The following TSC22D1 variants were observed in gnomAD, a reference collection of about 807,000 sequenced individuals.
The protein encoded by TSC22D1 is TSC22 domain family member 1.
Under a neutral mutation model 74.2 loss-of-function variants are expected in TSC22D1, and 9 were observed. The observed-to-expected ratio is 0.12, with a 90% CI of 0.07 to 0.21. TSC22D1 has a LOEUF of 0.21. Among genes scored for constraint, TSC22D1 ranks in the 10% least tolerant of loss-of-function variants. The pLI, the probability that TSC22D1 is intolerant of heterozygous loss-of-function variation, is 1.00. For missense variants in TSC22D1, 1,427 were observed against 1,304.7 expected (o/e 1.09, Z -1.44); for synonymous variants, 586 against 492.5 (o/e 1.19, Z -2.51).
In TSC22D1 at chr13:44,436,057, A is replaced by G; in HGVS notation, c.2951T>C (p.Ile984Thr). 1 of 1,613,766 alleles carries G rather than the reference A, an allele frequency of 6.2e-7. No homozygotes were observed. The highest frequency in any genetic ancestry group is 8.5e-7 in the Non-Finnish European group (1 of 1,179,854). ...GASVVAIDNK[I>T]EQAMDLVKSH... ...ATCAGTACATACCATAGCTTGCTCG[A>G]TTTTGTTGTCAATAGCTACCACACT... Residue 984 changes from isoleucine (I) to threonine (T), a missense_variant, in exon 2 of 3, where the codon ATC (isoleucine) becomes ACC (threonine). This residue lies in a region of TSC22D1 where 21 missense variants were observed against 62.7 expected (regional missense o/e 0.34). Coordinates refer to ENST00000458659, the MANE Select transcript of TSC22D1 (RefSeq NM_183422.4).
At chr13:44,475,725 A>C (rs1037593413) in intron 1 of TSC22D1, among the ~76,000 whole-genome samples, 18 of 152,170 alleles carry the variant, frequency 1.2e-4, no homozygotes, top group Non-Finnish European at 2.4e-4. Flanking sequence ...TAACTTACTG[A>C]AACAAAGAGA....
intron 1 of TSC22D1, among the ~76,000 whole-genome samples, chr13:44,533,946 A>G (rs1321776005): frequency 6.6e-6 from 1 of 152,200 alleles, no homozygotes; most frequent in East Asian, 1.9e-4. Flanking sequence ...ATAAATAGCA[A>G]ATTATTTTAA....
intron 1 of TSC22D1, among the ~76,000 whole-genome samples, chr13:44,570,961 A>G: frequency 6.6e-6 from 1 of 152,348 alleles, no homozygotes; most frequent in African/African-American, 2.4e-5. Context: ...AAACACAATA[A>G]AGAATATAAT....
chr13:44,474,153 CAGGACTT>C (rs1280733772), intron 1 of TSC22D1: 1 of 807,272 alleles, frequency 1.2e-6, no homozygotes, highest in Non-Finnish European at 1.5e-6. Context: ...AGGTACTAGG[CAGGACTT>C]AGGACAACTG....
intron 1 of TSC22D1, among the ~76,000 whole-genome samples, chr13:44,481,286 G>A (rs1419687196): frequency 1.3e-5 from 2 of 152,178 alleles, no homozygotes; most frequent in East Asian, 1.9e-4. Flanking sequence ...GCTTGGGGTG[G>A]GAGGTGGTAA....
intron 1 of TSC22D1, among the ~76,000 whole-genome samples, chr13:44,533,773 ACT>A (rs1248237092): frequency 5.9e-5 from 9 of 152,104 alleles, no homozygotes; most frequent in Non-Finnish European, 1.2e-4. Context: ...ATAGAGCGAG[ACT>A]CTTGTCTCCA....
chr13:44,462,498 A>G (rs1327334977), intron 1 of TSC22D1, among the ~76,000 whole-genome samples: 2 of 152,218 alleles, frequency 1.3e-5, no homozygotes. Context: ...CAAATGTTCA[A>G]GCTATATATT....
At chr13:44,453,204 TTC>T (rs1301524798) in intron 1 of TSC22D1, among the ~76,000 whole-genome samples, 3 of 152,226 alleles carry the variant, frequency 2.0e-5, no homozygotes, top group African/African-American at 7.2e-5. Flanking sequence ...CCCCAAACTG[TTC>T]TGTTAAGCTA....
chr13:44,467,765 C>A (rs1398521694), intron 1 of TSC22D1, among the ~76,000 whole-genome samples: 1 of 152,106 alleles, frequency 6.6e-6, no homozygotes, highest in Non-Finnish European at 1.5e-5. Flanking sequence ...GGCACAGATA[C>A]AGTGAAAAGG....
intron 1 of TSC22D1, among the ~76,000 whole-genome samples, chr13:44,491,007 G>T (rs1723672221): frequency 6.7e-6 from 1 of 150,136 alleles, no homozygotes; most frequent in Non-Finnish European, 1.5e-5. Flanking sequence ...CTGTTCAAAG[G>T]ATATCACAAT....
Position 44,575,640 on chromosome 13 carries a change from G to A in TSC22D1, c.435C>T (p.His145=), listed in dbSNP as rs1216898507. ...TESYDDLDES[H]TEDLSSSEIL... Reference sequence around the variant, plus strand: ...TCTCCGAAGAAGAGAGATCTTCCGTGTGAGATTCATCCAGATCATCATAGC... The same window carrying A: ...TCTCCGAAGAAGAGAGATCTTCCGTATGAGATTCATCCAGATCATCATAGC... The change falls in exon 1 of 3, where the codon CAC becomes CAT. Residue 145 remains histidine (H), a synonymous_variant. Transcript: ENST00000458659. 15 of 1,614,090 alleles carry A rather than the reference G, an allele frequency of 9.3e-6. No homozygotes were observed. Among genetic ancestry groups the A allele is most frequent in the Admixed American group, 1.7e-5 (1 of 60,006 alleles).
intron 1 of TSC22D1, among the ~76,000 whole-genome samples, chr13:44,440,587 C>CAAAAAAAAAAAAAAAAAAA (rs67344848): frequency 1.5e-5 from 1 of 68,266 alleles, no homozygotes; most frequent in Non-Finnish European, 2.7e-5. Flanking sequence ...GGCTCTGTCT[C>CAAAAAAAAAAAAAAAAAAA]AAAAAAAAAA....
chr13:44,548,594 G>A (rs1039616420), intron 1 of TSC22D1, among the ~76,000 whole-genome samples: 17 of 152,172 alleles, frequency 1.1e-4, no homozygotes, highest in African/African-American at 4.1e-4. Context: ...TTACAAGACA[G>A]TAAAACTATG....
chr13:44,517,784 T>TATATATATACATACAC (rs1392799887), intron 1 of TSC22D1, among the ~76,000 whole-genome samples: 6 of 132,484 alleles, frequency 4.5e-5, no homozygotes, highest in Non-Finnish European at 9.6e-5. Context: ...TATACACATA[T>TATATATATACATACAC]ATATACATAT....
chr13:44,519,303 T>G (rs1371993323), intron 1 of TSC22D1, among the ~76,000 whole-genome samples: 1 of 152,204 alleles, frequency 6.6e-6, no homozygotes, highest in African/African-American at 2.4e-5. Context: ...ATCTTAAAAT[T>G]CAATGTATGA....
intron 1 of TSC22D1, among the ~76,000 whole-genome samples, chr13:44,532,501 T>C (rs1242331263): frequency 6.6e-6 from 1 of 151,686 alleles, no homozygotes; most frequent in Admixed American, 6.6e-5. Context: ...TGAGACGGAG[T>C]CTTGCTCTGT....
intron 1 of TSC22D1, among the ~76,000 whole-genome samples, chr13:44,440,305 G>A (rs1343425832): frequency 1.3e-5 from 2 of 152,178 alleles, no homozygotes; most frequent in African/African-American, 2.4e-5. Flanking sequence ...GGGCGCGAGC[G>A]CGATGGCTCA....
At chr13:44,517,823 GTGTGTGTATATATATATATA>G (rs1222493245) in intron 1 of TSC22D1, among the ~76,000 whole-genome samples, 1 of 36,044 alleles carries the variant, frequency 2.8e-5, no homozygotes, top group East Asian at 9.3e-4. Context: ...GTGTGTGTGT[GTGTGTGTATATATATATATA>G]TATATATATA....
chr13:44,500,669 G>A (rs1879183697), intron 1 of TSC22D1, among the ~76,000 whole-genome samples: 1 of 152,068 alleles, frequency 6.6e-6, no homozygotes, highest in South Asian at 2.1e-4. Flanking sequence ...ACATTTTTCA[G>A]TTTCTTTCTA....
Sources: gnomAD v4.1 joint callset for allele counts (sites outside exome capture counted in the v4.1 genomes callset) on GRCh38, gnomAD v4.1.1 for gene constraint, gnomAD v4.1.1 regional missense constraint, MANE v1.5 for transcripts, NCBI Gene and HGNC (gene_info 2026-07-23, HGNC 2026-07-21) for gene names.